Variants in RHOT1 observed in about 807,000 individuals in gnomAD.
RHOT1 encodes the protein mitochondrial Rho GTPase 1.
RHOT1 carries 27 observed loss-of-function variants against 95.3 expected under a neutral mutation model. The ratio of observed to expected loss-of-function variants is 0.28; its 90% CI spans 0.21 to 0.39. The LOEUF (loss-of-function observed/expected upper bound fraction) is 0.39. Among genes scored for constraint, RHOT1 ranks in the 10% least tolerant of loss-of-function variants. RHOT1 has a pLI of 1.00. For missense variants in RHOT1, 578 were observed against 786.7 expected (o/e 0.73, Z 3.17); for synonymous variants, 227 against 263.5 (o/e 0.86, Z 1.34).
intron 1 of RHOT1, among the ~76,000 whole-genome samples, chr17:32,146,115 T>C: frequency 6.6e-6 from 1 of 152,224 alleles, no homozygotes; most frequent in East Asian, 1.9e-4. Flanking sequence ...ATCTAGCCCT[T>C]ACTTCCCTTT....
At chr17:32,223,358 A>G (rs931871421) in intron 19 of RHOT1, among the ~76,000 whole-genome samples, 3 of 151,946 alleles carry the variant, frequency 2.0e-5, no homozygotes, top group Non-Finnish European at 4.4e-5. Flanking sequence ...CTTAGTTATA[A>G]AATAACCTAA....
intron 13 of RHOT1, 29 bp downstream of exon 13, chr17:32,199,579 A>G (rs2037160344): frequency 1.3e-6 from 2 of 1,543,782 alleles, no homozygotes; most frequent in African/African-American, 1.4e-5. Context: ...TCTTTCCTCT[A>G]GAGTTACAAA....
At chr17:32,209,092 C>T (rs1004110183) in intron 18 of RHOT1, 8 of 203,256 alleles carry the variant, frequency 3.9e-5, no homozygotes, top group Non-Finnish European at 6.8e-5. Context: ...CTTATGAAAA[C>T]TACAGTGTAA....
In RHOT1 at chr17:32,225,227, G is replaced by A. The variant is rs190500838; in HGVS notation, c.*494G>A. On this transcript the variant is annotated 3_prime_UTR_variant, in exon 20 of 20. Coordinates refer to ENST00000545287, the MANE Select transcript of RHOT1 (RefSeq NM_001033566.3). ...TCTCTCCATTTTTAAAAACATACAA[G>A]TCAGTGTCAGCTTACCAACATGACA... 6.5e-6 allele frequency: 1 copy of A among 153,978 alleles called. No homozygotes were observed. Among genetic ancestry groups the A allele is most frequent in the African/African-American group, 2.4e-5 (1 of 41,552 alleles). The allele number at this position is 153,978 out of a possible 1,614,324, so 9.5% of individuals were successfully genotyped here.
intron 1 of RHOT1, among the ~76,000 whole-genome samples, chr17:32,152,480 A>G (rs2032432922): frequency 6.6e-6 from 1 of 152,184 alleles, no homozygotes; most frequent in South Asian, 2.1e-4. Flanking sequence ...AAGAGAGATG[A>G]AGGTCTTTTC....
At chr17:32,191,074 T>C (rs1001524017) in intron 8 of RHOT1, among the ~76,000 whole-genome samples, 2 of 152,150 alleles carry the variant, frequency 1.3e-5, no homozygotes, top group Non-Finnish European at 2.9e-5. Context: ...GGATTATAAG[T>C]GTGAGCCACC....
intron 19 of RHOT1, among the ~76,000 whole-genome samples, chr17:32,217,792 T>C (rs1288235620): frequency 6.6e-6 from 1 of 151,262 alleles, no homozygotes; most frequent in African/African-American, 2.4e-5. Flanking sequence ...CTTCACCAGA[T>C]TGAAACATTT....
chr17:32,203,988 G>C lies in RHOT1; in HGVS notation c.1416+15G>C, dbSNP rs780899713. 6.4e-7 allele frequency: 1 copy of C among 1,569,052 alleles called. No individual in the cohort carries two copies. The highest frequency in any genetic ancestry group is 1.1e-5 in the South Asian group (1 of 87,164). ...AATACTTGTTGGTAAGAAATTCTGT[G>C]GCATACAAAAATTACTAATTATTGG... On this transcript the variant is annotated intron_variant, in intron 16 of 19. Transcript: ENST00000545287.
chr17:32,200,855 A>G, intron 13 of RHOT1, 101 bp from the exon 14 acceptor site: 2 of 747,554 alleles, frequency 2.7e-6, no homozygotes, highest in Non-Finnish European at 4.5e-6. Flanking sequence ...GACAAAAATT[A>G]TCTAGGTCTG....
chr17:32,168,376 C>G (rs539011551), intron 1 of RHOT1, among the ~76,000 whole-genome samples: 1 of 152,008 alleles, frequency 6.6e-6, no homozygotes, highest in Non-Finnish European at 1.5e-5. Context: ...CTCAAGCAGT[C>G]CTCCTGCCTC....
At chr17:32,151,566 C>G (rs1183933492) in intron 1 of RHOT1, 23 of 390,914 alleles carry the variant, frequency 5.9e-5, no homozygotes, top group Non-Finnish European at 1.0e-4. Context: ...CGGTGTGTCT[C>G]TCTCTCAATG....
chr17:32,219,699 A>G (rs1288244933), intron 19 of RHOT1, among the ~76,000 whole-genome samples: 1 of 152,190 alleles, frequency 6.6e-6, no homozygotes, highest in African/African-American at 2.4e-5. Flanking sequence ...GTCAAGGAGA[A>G]CTTGACGTCT....
chr17:32,183,040 T>C, intron 7 of RHOT1, 131 bp from the exon 8 acceptor site: 1 of 769,942 alleles, frequency 1.3e-6, no homozygotes, highest in Admixed American at 2.8e-5. Flanking sequence ...TAGACATTCA[T>C]GTTGTGATGT....
At chr17:32,151,516 A>C in intron 1 of RHOT1, 1 of 573,512 alleles carries the variant, frequency 1.7e-6, no homozygotes. Context: ...TGGTTTCTGA[A>C]ATCTGTCATG....
intron 13 of RHOT1, among the ~76,000 whole-genome samples, chr17:32,200,527 G>A (rs565863345): frequency 5.3e-5 from 8 of 152,010 alleles, no homozygotes; most frequent in Admixed American, 2.6e-4. Flanking sequence ...GGGAGGCCAA[G>A]GTGGATGGAT....
At chr17:32,199,152 C>CT (rs2142826464) in intron 12 of RHOT1, 121 bp downstream of exon 12, 1 of 845,034 alleles carries the variant, frequency 1.2e-6, no homozygotes, top group East Asian at 2.6e-5. Context: ...CTTAACCTCT[C>CT]TAAGTTAAAT....
At chr17:32,187,179 C>T (rs979692469) in intron 8 of RHOT1, among the ~76,000 whole-genome samples, 9 of 151,844 alleles carry the variant, frequency 5.9e-5, no homozygotes, top group African/African-American at 1.7e-4. Context: ...CCCAGCTACT[C>T]GGGAGGCTGA....
intron 19 of RHOT1, among the ~76,000 whole-genome samples, chr17:32,220,744 A>G (rs1207962308): frequency 6.6e-6 from 1 of 151,380 alleles, no homozygotes; most frequent in Non-Finnish European, 1.5e-5. Flanking sequence ...ACTGAGGCAC[A>G]AGAGTGACTG....
chr17:32,204,246 T>C (rs535439080), intron 16 of RHOT1, among the ~76,000 whole-genome samples: 4 of 152,290 alleles, frequency 2.6e-5, no homozygotes, highest in East Asian at 1.9e-4. Flanking sequence ...ATCTGGTTTA[T>C]TCATTAGAAT....
Sources: gnomAD v4.1 joint callset for allele counts (sites outside exome capture counted in the v4.1 genomes callset) on GRCh38, gnomAD v4.1.1 for gene constraint, MANE v1.5 for transcripts, NCBI Gene and HGNC (gene_info 2026-07-23, HGNC 2026-07-21) for gene names.